Variants in MATN2 observed in about 807,000 individuals in gnomAD.
MATN2 encodes matrilin-2.
MATN2 carries 69 observed loss-of-function variants against 103.2 expected under a neutral mutation model. The observed-to-expected ratio is 0.67, with a 90% confidence interval of 0.55 to 0.82. MATN2 has a LOEUF of 0.82. Among genes scored for constraint, MATN2 ranks in the 40% least tolerant of loss-of-function variants. MATN2 has a pLI of 0.00. For missense variants in MATN2, 1,023 were observed against 1,211.5 expected, an observed-to-expected ratio of 0.84 and a Z score of 2.31; for synonymous variants, 429 against 450.2, an observed-to-expected ratio of 0.95 and a Z score of 0.60.
intron 7 of MATN2, among the ~76,000 whole-genome samples, chr8:97,997,776 G>T (rs917940059): frequency 2.5e-4 from 38 of 151,356 alleles, no homozygotes; most frequent in Admixed American, 1.8e-3. Flanking sequence ...AAGGCAAAGA[G>T]CCACTGTTAA....
At chr8:98,023,983 TGA>T (rs760385596) in intron 13 of MATN2, among the ~76,000 whole-genome samples, 8 of 152,048 alleles carry the variant, frequency 5.3e-5, no homozygotes, top group Non-Finnish European at 1.0e-4. Flanking sequence ...AAGTGGGAGC[TGA>T]ACAATGAGAA....
intron 5 of MATN2, among the ~76,000 whole-genome samples, chr8:97,971,332 T>G (rs1811648805): frequency 6.6e-6 from 1 of 152,254 alleles, no homozygotes; most frequent in South Asian, 2.1e-4. Context: ...GAATTATTAC[T>G]GTGACCTGCA....
chr8:97,979,635 T>C (rs1811955362), intron 6 of MATN2, among the ~76,000 whole-genome samples: 1 of 152,224 alleles, frequency 6.6e-6, no homozygotes, highest in Non-Finnish European at 1.5e-5. Flanking sequence ...TTCTATTAAA[T>C]ATAAAGGTAC....
intron 5 of MATN2, among the ~76,000 whole-genome samples, chr8:97,973,114 A>G (rs2030229271): frequency 6.6e-6 from 1 of 152,252 alleles, no homozygotes; most frequent in Non-Finnish European, 1.5e-5. Flanking sequence ...CATGCCTGGC[A>G]GTGGGTTCTT....
chr8:98,021,022 C>T, intron 12 of MATN2, 183 bp from the exon 13 acceptor site: 1 of 515,708 alleles, frequency 1.9e-6, no homozygotes. Flanking sequence ...GGAGCTAGAG[C>T]TTTCTGAGAG....
chr8:97,884,006 A>G (rs984094329), intron 1 of MATN2, among the ~76,000 whole-genome samples: 11 of 152,182 alleles, frequency 7.2e-5, no homozygotes, highest in Non-Finnish European at 1.6e-4. Flanking sequence ...TTAGATACTA[A>G]TGTGTATTTA....
At chr8:97,974,041 G>A (rs1811752384) in intron 5 of MATN2, among the ~76,000 whole-genome samples, 1 of 152,006 alleles carries the variant, frequency 6.6e-6, no homozygotes, top group South Asian at 2.1e-4. Context: ...AGCAATTTTG[G>A]TTAGCAAATT....
intron 7 of MATN2, among the ~76,000 whole-genome samples, chr8:98,003,228 G>A (rs897984434): frequency 6.6e-6 from 1 of 152,128 alleles, no homozygotes; most frequent in Non-Finnish European, 1.5e-5. Flanking sequence ...ACCCTCAGGT[G>A]TTTGCGTTTG....
At chr8:97,914,746 A>T (rs999527894) in intron 2 of MATN2, among the ~76,000 whole-genome samples, 1 of 152,062 alleles carries the variant, frequency 6.6e-6, no homozygotes, top group Non-Finnish European at 1.5e-5. Flanking sequence ...GCCTTGCCAC[A>T]TCACCTGTGG....
At chr8:97,949,484 A>C (rs765957303) in intron 4 of MATN2, among the ~76,000 whole-genome samples, 5 of 152,088 alleles carry the variant, frequency 3.3e-5, no homozygotes, top group Non-Finnish European at 5.9e-5. Context: ...AGAGTGGATA[A>C]ATTTTAAAAG....
chr8:97,936,577 A>G, intron 3 of MATN2, among the ~76,000 whole-genome samples: 1 of 152,158 alleles, frequency 6.6e-6, no homozygotes, highest in Non-Finnish European at 1.5e-5. Flanking sequence ...TCATTCATAC[A>G]ATCATTAAAA....
chr8:98,034,978 T>C (rs1814184694), intron 18 of MATN2, among the ~76,000 whole-genome samples: 1 of 151,760 alleles, frequency 6.6e-6, no homozygotes, highest in Admixed American at 6.6e-5. Flanking sequence ...TCCTAGCACT[T>C]TGGGAGGCCG....
At position 97,988,189 on chromosome 8, in the gene MATN2, T is replaced by TATATATATATATACACAC. The variant is rs71570279; in HGVS notation, c.1082-6290_1082-6289insTATATATATATACACACA. Reference sequence around the variant, plus strand: ...AAAAAAAAATATATATATATATATATACACACACACACATATGTATACACA... The same window carrying TATATATATATATACACAC: ...AAAAAAAAATATATATATATATATATATATATATATATACACACACACACACACACATATGTATACACA... On this transcript the variant is annotated intron_variant, in intron 6 of 18. Transcript: ENST00000254898. Among the ~76,000 whole-genome samples the TATATATATATATACACAC allele has an allele frequency of 2.2e-3, 119 of 54,806 alleles. 3 individuals carry two copies. The highest frequency in any genetic ancestry group is 8.6e-3 in the African/African-American group (109 of 12,738). The allele number at this position is 54,806 out of a possible 152,430, so 36.0% of individuals were successfully genotyped here.
At chr8:97,953,840 T>C (rs1209989932) in intron 4 of MATN2, among the ~76,000 whole-genome samples, 1 of 151,650 alleles carries the variant, frequency 6.6e-6, no homozygotes, top group Non-Finnish European at 1.5e-5. Context: ...TGCGTACCTT[T>C]AGTCCCAGCT....
intron 2 of MATN2, among the ~76,000 whole-genome samples, chr8:97,908,785 G>A (rs902329950): frequency 3.8e-4 from 57 of 151,968 alleles, no homozygotes; most frequent in African/African-American, 1.2e-3. Flanking sequence ...GTGCGCCACC[G>A]TGCCTGGCTA....
chr8:98,035,726 C>A lies in MATN2; in HGVS notation c.*14C>A. Reference sequence around the variant, plus strand: ...AGATACAGATGAAGATTAGAAATCGCGACACATTTGTAGTCATTGTATCAC... The same window carrying A: ...AGATACAGATGAAGATTAGAAATCGAGACACATTTGTAGTCATTGTATCAC... On this transcript the variant is annotated 3_prime_UTR_variant, in exon 19 of 19. Coordinates refer to ENST00000254898, the MANE Select transcript of MATN2 (RefSeq NM_002380.5). 1 of 1,582,164 alleles carries A rather than the reference C, an allele frequency of 6.3e-7. No homozygotes were observed. The highest frequency in any genetic ancestry group is 8.6e-7 in the Non-Finnish European group (1 of 1,156,876).
chr8:97,961,575 G>A (rs1435606007), intron 5 of MATN2, 45 bp downstream of exon 5: 5 of 1,566,130 alleles, frequency 3.2e-6, no homozygotes, highest in Non-Finnish European at 3.5e-6. Context: ...GACAAGTTAA[G>A]CATGGTGAGG....
intron 6 of MATN2, among the ~76,000 whole-genome samples, chr8:97,990,475 G>C (rs966091861): frequency 1.3e-5 from 2 of 152,288 alleles, no homozygotes; most frequent in South Asian, 4.1e-4. Flanking sequence ...CATTCATTAT[G>C]CAAAAGGAAT....
chr8:97,907,244 G>A (rs1033978431), intron 2 of MATN2, among the ~76,000 whole-genome samples: 5 of 150,638 alleles, frequency 3.3e-5, no homozygotes, highest in African/African-American at 9.8e-5. Flanking sequence ...TAGGTGATCT[G>A]CCTGCCTCGG....
Sources: allele counts gnomAD v4.1 joint callset (sites outside exome capture counted in the v4.1 genomes callset), GRCh38; gene constraint gnomAD v4.1.1; transcripts MANE v1.5; gene names NCBI Gene and HGNC (gene_info 2026-07-23, HGNC 2026-07-21).